PTPRD: variants seen among roughly 807,000 people sequenced by gnomAD.
PTPRD encodes the protein receptor-type tyrosine-protein phosphatase delta.
In PTPRD, 34 loss-of-function variants were observed where a neutral mutation model predicts 214.5. The ratio of observed to expected loss-of-function variants is 0.16; its 90% confidence interval spans 0.12 to 0.21. The LOEUF (loss-of-function observed/expected upper bound fraction) is 0.21, where lower values mean the gene tolerates loss of function less well. Among genes scored for constraint, PTPRD ranks in the 10% least tolerant of loss-of-function variants. The probability of loss-of-function intolerance (pLI) is 1.00; values close to 1 mark genes in which losing one functional copy is unlikely to be tolerated. For missense variants in PTPRD, 2,545 were observed against 2,398.7 expected (o/e 1.06, Z -1.27); for synonymous variants, 1,128 against 845.7 (o/e 1.33, Z -5.79).
In PTPRD at chr9:10,576,182, A is replaced by G. The variant is rs540384448; in HGVS notation, c.-600+36216T>C. 8.3e-4 allele frequency among the ~76,000 whole-genome samples: 126 copies of G among 152,260 alleles called. 2 individuals carry two copies. Among genetic ancestry groups the G allele is most frequent in the African/African-American group, 3.0e-3 (123 of 41,566 alleles). ...GCATTTTGCCTAAAGGCTATCAGTAAAATTTAATTTTCTTACTGCATTGAT... is the reference window on the plus strand; with the variant it reads ...GCATTTTGCCTAAAGGCTATCAGTAGAATTTAATTTTCTTACTGCATTGAT... On this transcript the variant is annotated intron_variant, in intron 2 of 45. Coordinates refer to ENST00000381196, the MANE Select transcript of PTPRD (RefSeq NM_002839.4).
At chr9:9,851,640 C>T (rs748878967) in intron 5 of PTPRD, among the ~76,000 whole-genome samples, 56 of 152,104 alleles carry the variant, frequency 3.7e-4, no homozygotes, top group Non-Finnish European at 6.5e-4. Context: ...GTTAGCTGGG[C>T]GTTGTGGTGC....
intron 2 of PTPRD, among the ~76,000 whole-genome samples, chr9:10,518,002 T>G (rs1156450380): frequency 6.6e-6 from 1 of 152,144 alleles, no homozygotes; most frequent in Non-Finnish European, 1.5e-5. Flanking sequence ...TGAACATTAC[T>G]AAATATATAC....
chr9:10,505,305 G>A (rs1032346888), intron 2 of PTPRD, among the ~76,000 whole-genome samples: 1 of 152,128 alleles, frequency 6.6e-6, no homozygotes, highest in East Asian at 1.9e-4. Flanking sequence ...TAGATTTAAA[G>A]TTTAGGTCTC....
chr9:10,266,946 T>C lies in PTPRD; in HGVS notation c.-545+74017A>G, dbSNP rs181798558. ...TGGCTCACATCTGTAATCCCAGCAC[T>C]TTGGGAGGCCGAGGCGGGCGAATCA... On this transcript the variant is annotated intron_variant, in intron 3 of 45. Transcript: ENST00000381196. Among the ~76,000 whole-genome samples, 12 of 152,070 alleles carry C rather than the reference T, an allele frequency of 7.9e-5. No individual in the cohort carries two copies. The East Asian group carries it at 2.3e-3, about 29-fold the overall frequency.
chr9:9,509,261 A>G (rs1467212261), intron 8 of PTPRD, among the ~76,000 whole-genome samples: 1 of 151,624 alleles, frequency 6.6e-6, no homozygotes, highest in East Asian at 1.9e-4. Context: ...TCTGCACACT[A>G]AAGGTCATTT....
chr9:9,454,277 T>C (rs2092675180), intron 8 of PTPRD, among the ~76,000 whole-genome samples: 1 of 151,666 alleles, frequency 6.6e-6, no homozygotes, highest in African/African-American at 2.4e-5. Context: ...CTTGAGGAAA[T>C]ACTCCCGGTT....
chr9:9,607,791 T>C (rs980407012), intron 7 of PTPRD, among the ~76,000 whole-genome samples: 2 of 151,188 alleles, frequency 1.3e-5, no homozygotes, highest in Non-Finnish European at 2.9e-5. Context: ...GAGGGATGTA[T>C]CTCCTGATAG....
intron 33 of PTPRD, among the ~76,000 whole-genome samples, chr9:8,455,639 A>C (rs1328184362): frequency 2.0e-5 from 3 of 152,240 alleles, no homozygotes; most frequent in Non-Finnish European, 4.4e-5. Flanking sequence ...TAAATGGTAC[A>C]AACACACACA....
chr9:8,353,850 A>ATATGTG (rs2076212333), intron 39 of PTPRD, among the ~76,000 whole-genome samples: 2 of 120,942 alleles, frequency 1.7e-5, no homozygotes, highest in South Asian at 2.6e-4. Context: ...GTATATATGT[A>ATATGTG]TATATGTGTA....
At chr9:8,774,823 T>A (rs953627870) in intron 11 of PTPRD, among the ~76,000 whole-genome samples, 2 of 152,112 alleles carry the variant, frequency 1.3e-5, no homozygotes, top group Non-Finnish European at 2.9e-5. Context: ...CATGAGCCAC[T>A]GCGCCCAGCC....
intron 2 of PTPRD, among the ~76,000 whole-genome samples, chr9:10,461,985 G>T (rs2098962390): frequency 6.6e-6 from 1 of 152,064 alleles, no homozygotes; most frequent in Non-Finnish European, 1.5e-5. Flanking sequence ...ATAAAATACT[G>T]GTTACCAGGG....
intron 14 of PTPRD, among the ~76,000 whole-genome samples, chr9:8,545,483 G>A (rs956679966): frequency 6.6e-6 from 1 of 152,138 alleles, no homozygotes; most frequent in South Asian, 2.1e-4. Flanking sequence ...AGGTAGTTCC[G>A]AGGAAAACCA....
chr9:9,931,224 C>T (rs946719278), intron 5 of PTPRD, among the ~76,000 whole-genome samples: 1 of 152,062 alleles, frequency 6.6e-6, no homozygotes, highest in African/African-American at 2.4e-5. Context: ...GGGGAGGAGC[C>T]AAGATGGCCG....
chr9:9,544,952 C>T (rs1158031983), intron 8 of PTPRD, among the ~76,000 whole-genome samples: 4 of 148,086 alleles, frequency 2.7e-5, no homozygotes, highest in African/African-American at 7.4e-5. Context: ...TTAAGCTAAT[C>T]TAAATCTCAT....
At chr9:9,692,092 A>T (rs1306609042) in intron 7 of PTPRD, among the ~76,000 whole-genome samples, 2 of 119,152 alleles carry the variant, frequency 1.7e-5, no homozygotes, top group Non-Finnish European at 3.7e-5. Context: ...CGCTTTATTG[A>T]TTGTTTCCTT....
intron 14 of PTPRD, among the ~76,000 whole-genome samples, chr9:8,538,175 G>A (rs936267878): frequency 9.9e-5 from 15 of 151,808 alleles, no homozygotes; most frequent in African/African-American, 3.6e-4. Flanking sequence ...TTATCAACAA[G>A]CAGGTGTCAT....
intron 5 of PTPRD, among the ~76,000 whole-genome samples, chr9:9,863,837 A>AG (rs1600164473): frequency 8.3e-6 from 1 of 120,826 alleles, no homozygotes; most frequent in Non-Finnish European, 1.6e-5. Context: ...TGCAGGACGG[A>AG]AAAAAAAAAA....
At chr9:10,369,780 A>G (rs1192000234) in intron 2 of PTPRD, among the ~76,000 whole-genome samples, 2 of 152,104 alleles carry the variant, frequency 1.3e-5, no homozygotes, top group Admixed American at 6.6e-5. Context: ...AAAGAATAGC[A>G]TTAAGTGAGC....
intron 12 of PTPRD, among the ~76,000 whole-genome samples, chr9:8,706,664 T>G (rs113272937): frequency 1.3e-5 from 2 of 152,188 alleles, no homozygotes; most frequent in South Asian, 4.1e-4. Context: ...CAGGAATGCA[T>G]GTCAGAGTCC....
Sources: allele counts gnomAD v4.1 joint callset (sites outside exome capture counted in the v4.1 genomes callset), GRCh38; gene constraint gnomAD v4.1.1; transcripts MANE v1.5; gene names NCBI Gene and HGNC (gene_info 2026-07-23, HGNC 2026-07-21).